The following NKAIN2 variants were observed in gnomAD, a reference collection of about 807,000 sequenced individuals.
The protein encoded by NKAIN2 is sodium/potassium-transporting ATPase subunit beta-1-interacting protein 2.
Under a neutral mutation model 32.6 loss-of-function variants are expected in NKAIN2, and 14 were observed. That is an observed-to-expected ratio of 0.43 (90% CI 0.28 to 0.67). The LOEUF (loss-of-function observed/expected upper bound fraction) is 0.67, where lower values mean the gene tolerates loss of function less well. Among genes scored for constraint, NKAIN2 ranks in the 30% least tolerant of loss-of-function variants. NKAIN2 has a pLI of 0.17. For synonymous variants in NKAIN2, 80 were observed against 87.2 expected, an observed-to-expected ratio of 0.92 and a Z score of 0.46; for missense variants, 198 against 258.3, an observed-to-expected ratio of 0.77 and a Z score of 1.60.
intron 1 of NKAIN2, among the ~76,000 whole-genome samples, chr6:123,895,557 A>G (rs1774239869): frequency 6.6e-6 from 1 of 152,172 alleles, no homozygotes; most frequent in African/African-American, 2.4e-5. Context: ...TTCTTGGTCT[A>G]CTTACCTAGG....
At chr6:124,550,706 A>G (rs945496248) in intron 3 of NKAIN2, among the ~76,000 whole-genome samples, 3 of 152,186 alleles carry the variant, frequency 2.0e-5, no homozygotes, top group Non-Finnish European at 2.9e-5. Flanking sequence ...ACAGTTATTG[A>G]GAAGGAAGTG....
intron 3 of NKAIN2, among the ~76,000 whole-genome samples, chr6:124,429,912 G>A (rs554940776): frequency 2.0e-5 from 3 of 152,076 alleles, no homozygotes; most frequent in Non-Finnish European, 2.9e-5. Flanking sequence ...AATTAGCATC[G>A]GGGACAGAGC....
intron 3 of NKAIN2, among the ~76,000 whole-genome samples, chr6:124,616,437 C>CTTTTTTTTTTTTTTTTT (rs79406895): frequency 2.8e-5 from 2 of 70,442 alleles, no homozygotes; most frequent in Non-Finnish European, 2.6e-5. Context: ...TCTTTTCTTT[C>CTTTTTTTTTTTTTTTTT]TTTTTTTTTT....
At position 124,789,274 on chromosome 6, in the gene NKAIN2, T is replaced by G. The variant is rs1218991832; in HGVS notation, c.475-2065T>G. Among the ~76,000 whole-genome samples, 10 of 152,196 alleles carry G rather than the reference T, an allele frequency of 6.6e-5. No homozygotes were observed. The South Asian group carries it at 1.9e-3, about 28-fold the overall frequency. On this transcript the variant is annotated intron_variant, in intron 4 of 6. Transcript: ENST00000368417. ...AGAAATGAATTGATGAGTAAGAATT[T>G]TTTTAAAACAGTTTGTAATTAGGAC...
At chr6:124,435,988 G>C (rs2114579473) in intron 3 of NKAIN2, among the ~76,000 whole-genome samples, 1 of 152,124 alleles carries the variant, frequency 6.6e-6, no homozygotes, top group East Asian at 1.9e-4. Flanking sequence ...GTGCTCTACG[G>C]ACGAAATATT....
At chr6:124,303,093 A>C (rs1796360215) in intron 2 of NKAIN2, among the ~76,000 whole-genome samples, 1 of 152,184 alleles carries the variant, frequency 6.6e-6, no homozygotes, top group African/African-American at 2.4e-5. Context: ...AGGAGAGAGG[A>C]TCTATTATTT....
rs1351553013 is a variant in NKAIN2, at chr6:124,233,898, G to A, written c.55-49107G>A. Among the ~76,000 whole-genome samples, 22 of 152,114 alleles carry A rather than the reference G, an allele frequency of 1.4e-4. 1 individual carries two copies. Among genetic ancestry groups the A allele is most frequent in the Admixed American group, 1.4e-3 (22 of 15,246 alleles). On this transcript the variant is annotated intron_variant, in intron 1 of 6. Coordinates refer to ENST00000368417, the MANE Select transcript of NKAIN2 (RefSeq NM_001040214.3). ...TTACAGATAGCATGACCATTTATCT[G>A]TGTTTTTATAATGTTTTCCCCCATT...
chr6:124,654,273 G>A lies in NKAIN2; in HGVS notation c.274-3913G>A, dbSNP rs115944498. On this transcript the variant is annotated intron_variant, in intron 3 of 6. Coordinates refer to ENST00000368417, the MANE Select transcript of NKAIN2 (RefSeq NM_001040214.3). ...TGCTATTTTTGGCTACAGCTTTATG[G>A]TAAATGTAATTATTTAAAATATATG... 9.8e-3 allele frequency among the ~76,000 whole-genome samples: 1,486 copies of A among 152,066 alleles called. 25 individuals are homozygous for A. Among genetic ancestry groups the A allele is most frequent in the African/African-American group, 0.034 (1,424 of 41,524 alleles).
At chr6:124,665,727 T>C (rs1053616388) in intron 4 of NKAIN2, among the ~76,000 whole-genome samples, 3 of 152,200 alleles carry the variant, frequency 2.0e-5, no homozygotes, top group African/African-American at 7.2e-5. Flanking sequence ...TCAGGAAAGA[T>C]GATTCTCTAA....
chr6:124,393,567 T>G (rs1037238348), intron 3 of NKAIN2, among the ~76,000 whole-genome samples: 3 of 152,222 alleles, frequency 2.0e-5, no homozygotes, highest in Non-Finnish European at 4.4e-5. Flanking sequence ...AAATACTGAG[T>G]GACGGTTAAA....
intron 4 of NKAIN2, among the ~76,000 whole-genome samples, chr6:124,706,338 C>T (rs1274630186): frequency 6.6e-6 from 1 of 151,966 alleles, no homozygotes; most frequent in Non-Finnish European, 1.5e-5. Context: ...AAGATTACTC[C>T]TAATAAATGA....
At chr6:124,486,964 A>G (rs935247639) in intron 3 of NKAIN2, among the ~76,000 whole-genome samples, 1 of 152,176 alleles carries the variant, frequency 6.6e-6, no homozygotes, top group Admixed American at 6.6e-5. Flanking sequence ...TGGTACGTTA[A>G]GTGTAAACAG....
intron 3 of NKAIN2, among the ~76,000 whole-genome samples, chr6:124,638,623 C>T (rs1431085996): frequency 2.6e-5 from 4 of 152,000 alleles, no homozygotes; most frequent in East Asian, 1.9e-4. Flanking sequence ...GGGCCGGGCG[C>T]GGTGGCTCAC....
chr6:124,769,067 T>C (rs1189835331), intron 4 of NKAIN2, among the ~76,000 whole-genome samples: 2 of 152,224 alleles, frequency 1.3e-5, no homozygotes, highest in African/African-American at 4.8e-5. Flanking sequence ...AAATTGAGTG[T>C]CTAGCATTTA....
At chr6:124,045,179 C>A (rs1294721632) in intron 1 of NKAIN2, among the ~76,000 whole-genome samples, 2 of 151,554 alleles carry the variant, frequency 1.3e-5, no homozygotes, top group Non-Finnish European at 2.9e-5. Flanking sequence ...TCAATATATT[C>A]TAATATATAT....
intron 2 of NKAIN2, among the ~76,000 whole-genome samples, chr6:124,292,470 A>C (rs192288868): frequency 2.0e-5 from 3 of 151,858 alleles, no homozygotes; most frequent in Admixed American, 6.6e-5. Context: ...AACAATAACT[A>C]TTAGATTGCA....
chr6:123,820,439 C>A lies in NKAIN2; in HGVS notation c.54+16185C>A, dbSNP rs192705405. Among the ~76,000 whole-genome samples, 15 of 152,242 alleles carry A rather than the reference C, an allele frequency of 9.9e-5. 1 individual carries two copies. Among genetic ancestry groups the A allele is most frequent in the Middle Eastern group, 3.4e-3 (1 of 294 alleles). On this transcript the variant is annotated intron_variant, in intron 1 of 6. Coordinates refer to ENST00000368417, the MANE Select transcript of NKAIN2 (RefSeq NM_001040214.3). ...TTGTTGGAGATTTTTAAATAAGATG[C>A]CTGTATTATAAGTGGCCTTGATCAG...
intron 1 of NKAIN2, among the ~76,000 whole-genome samples, chr6:123,983,183 G>A (rs149906887): frequency 7.2e-4 from 109 of 152,290 alleles, no homozygotes; most frequent in African/African-American, 2.5e-3. Flanking sequence ...TTTGAATTTG[G>A]ACAAATTGAT....
intron 3 of NKAIN2, among the ~76,000 whole-genome samples, chr6:124,551,366 C>T (rs1259985422): frequency 6.6e-6 from 1 of 152,082 alleles, no homozygotes; most frequent in African/African-American, 2.4e-5. Context: ...ATTTTGTGTT[C>T]CTTTAAATCG....
Sources: allele counts gnomAD v4.1 joint callset (sites outside exome capture counted in the v4.1 genomes callset), GRCh38; gene constraint gnomAD v4.1.1; transcripts MANE v1.5; gene names NCBI Gene and HGNC (gene_info 2026-07-23, HGNC 2026-07-21).